RBFOX1: variants seen among roughly 807,000 people sequenced by gnomAD.
RBFOX1 encodes the protein RNA binding protein fox-1 homolog 1.
RBFOX1 carries 8 observed loss-of-function variants against 57.7 expected under a neutral mutation model. The observed-to-expected ratio is 0.14, with a 90% CI of 0.08 to 0.25. The LOEUF (loss-of-function observed/expected upper bound fraction) is 0.25, where lower values mean the gene tolerates loss of function less well. Among genes scored for constraint, RBFOX1 ranks in the 10% least tolerant of loss-of-function variants. The pLI, the probability that RBFOX1 is intolerant of heterozygous loss-of-function variation, is 1.00. For missense variants in RBFOX1, 611 were observed against 548.5 expected (o/e 1.11, Z -1.14); for synonymous variants, 326 against 222.4 (o/e 1.47, Z -4.15).
intron 3 of RBFOX1, among the ~76,000 whole-genome samples, chr16:6,930,092 G>T (rs1390392864): frequency 6.6e-6 from 1 of 152,158 alleles, no homozygotes; most frequent in African/African-American, 2.4e-5. Context: ...GGTTTACTCG[G>T]CCTGCTCTTG....
chr16:7,515,630 T>C (rs2076193115), intron 4 of RBFOX1, among the ~76,000 whole-genome samples: 1 of 152,192 alleles, frequency 6.6e-6, no homozygotes, highest in Non-Finnish European at 1.5e-5. Flanking sequence ...AATGGTATCT[T>C]AGTAAAGCTG....
chr16:5,908,313 T>C (rs1345340821), intron 4 of RBFOX1, among the ~76,000 whole-genome samples: 40 of 141,326 alleles, frequency 2.8e-4, no homozygotes, highest in Admixed American at 1.8e-3. Context: ...CACACATATA[T>C]ACACACACAC....
At chr16:6,314,400 G>A (rs1449295988) in intron 1 of RBFOX1, among the ~76,000 whole-genome samples, 1 of 152,160 alleles carries the variant, frequency 6.6e-6, no homozygotes, top group Non-Finnish European at 1.5e-5. Context: ...TATGCCAATG[G>A]CCATAGGGAC....
chr16:7,098,592 A>G (rs1040596864), intron 4 of RBFOX1, among the ~76,000 whole-genome samples: 1 of 152,212 alleles, frequency 6.6e-6, no homozygotes, highest in South Asian at 2.1e-4. Flanking sequence ...GTTATAATGT[A>G]TTGGTAATAA....
chr16:7,149,474 C>A (rs1262987737), intron 4 of RBFOX1, among the ~76,000 whole-genome samples: 2 of 135,052 alleles, frequency 1.5e-5, no homozygotes, highest in Admixed American at 8.7e-5. Flanking sequence ...TTTTTCTTTT[C>A]TTTCTTTCCT....
At position 5,830,675 on chromosome 16, in the gene RBFOX1, T is replaced by C. The variant is rs59240274; in HGVS notation, c.319-36628T>C. ...TGATCTTTGAGGCCAGATCAAATCATGTCAGTGTGTCCTCTCTGCATCACC... is the reference window on the plus strand; with the variant it reads ...TGATCTTTGAGGCCAGATCAAATCACGTCAGTGTGTCCTCTCTGCATCACC... On this transcript the variant is annotated intron_variant, in intron 3 of 19. Transcript: ENST00000641259. Among the ~76,000 whole-genome samples, 477 of 152,334 alleles carry C rather than the reference T, an allele frequency of 3.1e-3. 5 individuals carry two copies. The highest frequency in any genetic ancestry group is 0.011 in the African/African-American group (454 of 41,586).
chr16:7,229,179 A>T (rs751176345), intron 4 of RBFOX1, among the ~76,000 whole-genome samples: 1 of 152,228 alleles, frequency 6.6e-6, no homozygotes, highest in Non-Finnish European at 1.5e-5. Context: ...TATTTCTTTC[A>T]TGCTTCAGAA....
chr16:6,360,124 G>C (rs750618946), intron 2 of RBFOX1, among the ~76,000 whole-genome samples: 1 of 151,942 alleles, frequency 6.6e-6, no homozygotes, highest in Non-Finnish European at 1.5e-5. Flanking sequence ...TTTCCAGTAT[G>C]CATCTGTTCT....
intron 3 of RBFOX1, among the ~76,000 whole-genome samples, chr16:5,844,351 C>T (rs1488035598): frequency 1.3e-5 from 2 of 152,184 alleles, no homozygotes; most frequent in African/African-American, 2.4e-5. Flanking sequence ...ATTATATATG[C>T]TGTTCTAAAA....
At chr16:6,874,554 C>T (rs551687550) in intron 3 of RBFOX1, among the ~76,000 whole-genome samples, 61 of 146,908 alleles carry the variant, frequency 4.2e-4, no homozygotes, top group African/African-American at 1.4e-3. Flanking sequence ...TAATGGCATT[C>T]GCAACAACCT....
intron 4 of RBFOX1, among the ~76,000 whole-genome samples, chr16:6,011,523 C>T (rs914269977): frequency 5.9e-5 from 9 of 152,154 alleles, no homozygotes; most frequent in Non-Finnish European, 1.0e-4. Flanking sequence ...TTTTCCTTAT[C>T]TGTAAAATGG....
intron 4 of RBFOX1, among the ~76,000 whole-genome samples, chr16:7,184,551 T>C (rs1003563757): frequency 6.6e-6 from 1 of 152,208 alleles, no homozygotes; most frequent in African/African-American, 2.4e-5. Context: ...AAGTATGACA[T>C]ATTGGCTGTG....
At chr16:6,715,512 A>C (rs554869398) in intron 3 of RBFOX1, among the ~76,000 whole-genome samples, 1 of 152,164 alleles carries the variant, frequency 6.6e-6, no homozygotes, top group African/African-American at 2.4e-5. Context: ...TTGTGTCCCA[A>C]CCAATTTATT....
chr16:7,467,278 A>G (rs1302122863), intron 4 of RBFOX1, among the ~76,000 whole-genome samples: 2 of 152,174 alleles, frequency 1.3e-5, no homozygotes, highest in African/African-American at 4.8e-5. Context: ...CAAGTGCTAA[A>G]GACAGACAGC....
rs61083678 is a variant in RBFOX1 at position 5,634,547 on chromosome 16, A to G, written c.318+35586A>G. 6.0e-3 allele frequency among the ~76,000 whole-genome samples: 911 copies of G among 152,348 alleles called. 11 individuals are homozygous for G. Among genetic ancestry groups the G allele is most frequent in the African/African-American group, 0.02 (813 of 41,576 alleles). ...TAAGTGTGATTAAGGATACATATCT[A>G]TCCCTTCTGGAATTGAGCCAGTGTA... On this transcript the variant is annotated intron_variant, in intron 3 of 19. Coordinates refer to the RBFOX1 transcript ENST00000641259.
At chr16:6,675,419 A>G (rs1374024198) in intron 3 of RBFOX1, among the ~76,000 whole-genome samples, 2 of 152,092 alleles carry the variant, frequency 1.3e-5, no homozygotes, top group Non-Finnish European at 2.9e-5. Flanking sequence ...CTTCCCAAGC[A>G]GAGCAAACTG....
At chr16:6,639,149 A>T (rs766268342) in intron 2 of RBFOX1, among the ~76,000 whole-genome samples, 1 of 152,178 alleles carries the variant, frequency 6.6e-6, no homozygotes, top group Non-Finnish European at 1.5e-5. Flanking sequence ...AAGAATGATA[A>T]ATTTTTTTCA....
chr16:6,180,634 C>T (rs912482640), intron 1 of RBFOX1, among the ~76,000 whole-genome samples: 1 of 151,472 alleles, frequency 6.6e-6, no homozygotes, highest in Non-Finnish European at 1.5e-5. Context: ...GTTACGATCT[C>T]GGCTCACTGC....
chr16:6,575,082 C>G (rs994758991), intron 2 of RBFOX1, among the ~76,000 whole-genome samples: 1 of 150,654 alleles, frequency 6.6e-6, no homozygotes, highest in East Asian at 2.0e-4. Context: ...GGAATGCTAT[C>G]GTGTAGTTGC....
Sources: allele counts gnomAD v4.1 joint callset (sites outside exome capture counted in the v4.1 genomes callset), GRCh38; gene constraint gnomAD v4.1.1; transcripts MANE v1.5; gene names NCBI Gene and HGNC (gene_info 2026-07-23, HGNC 2026-07-21).